SMARCA2: variants seen among roughly 807,000 people sequenced by gnomAD.
SMARCA2 encodes the protein SWI/SNF related BAF chromatin remodeling complex subunit ATPase 2, also known as SWI/SNF-related matrix-associated actin-dependent regulator of chromatin subfamily A member 2.
In SMARCA2, 61 loss-of-function variants were observed where a neutral mutation model predicts 199.8. The ratio of observed to expected loss-of-function variants is 0.31; its 90% CI spans 0.25 to 0.38. The LOEUF (loss-of-function observed/expected upper bound fraction) is 0.38. Among genes scored for constraint, SMARCA2 ranks in the 10% least tolerant of loss-of-function variants. SMARCA2 has a pLI of 1.00. For missense variants in SMARCA2, 1,344 were observed against 2,012.2 expected, an observed-to-expected ratio of 0.67 and a Z score of 6.35; for synonymous variants, 935 against 732.0, an observed-to-expected ratio of 1.28 and a Z score of -4.48.
At chr9:2,054,937 A>C (rs1490994171) in intron 6 of SMARCA2, among the ~76,000 whole-genome samples, 2 of 152,222 alleles carry the variant, frequency 1.3e-5, no homozygotes, top group Non-Finnish European at 2.9e-5. Flanking sequence ...TGTATATGGG[A>C]AAGAGTTTTT....
Position 2,186,201 on chromosome 9 carries a change from G to A in SMARCA2, c.4567G>A (p.Glu1523Lys), listed in dbSNP as rs776786160. The A allele has an allele frequency of 6.2e-7, 1 of 1,614,068 alleles. No homozygotes were observed. Among genetic ancestry groups the A allele is most frequent in the Non-Finnish European group, 8.5e-7 (1 of 1,179,960 alleles). The stretch of plus-strand genomic sequence containing the variant: ...TGAAAGCAATGAAGAGGAGGAAGAG[G>A]AAGATGAAGAAGAGTCAGAGTCCGA... ...EDESNEEEEE[E>K]DEEESESEAK... The change falls in exon 32 of 34, where the codon GAA (glutamate) becomes AAA (lysine). Residue 1523 changes from glutamate to lysine, a missense_variant. This residue lies in a region of SMARCA2 where 155 missense variants were observed against 121.1 expected (regional missense o/e 1.28). Transcript: ENST00000349721.
chr9:2,112,030 ACATAAAAGTGTTT>A (rs1465313637), intron 24 of SMARCA2, among the ~76,000 whole-genome samples: 1 of 152,222 alleles, frequency 6.6e-6, no homozygotes, highest in East Asian at 1.9e-4. Context: ...TTTTATAAAT[ACATAAAAGTGTTT>A]CATTCCAAGG....
rs2130124506 is a variant in SMARCA2 at position 2,019,918 on chromosome 9, A to C, written c.-37+4514A>C. On this transcript the variant is annotated intron_variant, in intron 1 of 33. Coordinates refer to ENST00000349721, the MANE Select transcript of SMARCA2 (RefSeq NM_003070.5). ...TGATACCCCAGAGAAATAATAAATC[A>C]CTATTTATGACATCTTGACATGGTG... Among the ~76,000 whole-genome samples the C allele has an allele frequency of 4.6e-5, 7 of 152,100 alleles. No individual in the cohort carries two copies. The South Asian group carries it at 1.5e-3, about 32-fold the overall frequency.
In SMARCA2 at chr9:2,047,373, C is replaced by T. The variant is rs927367809; in HGVS notation, c.935C>T (p.Pro312Leu). The T allele has an allele frequency of 1.2e-5, 18 of 1,545,008 alleles. 1 individual carries two copies. In the African/African-American group the frequency reaches 1.5e-4, roughly 13 times the overall value. ...VPGPSVPQPA[P>L]GQPSPVLQLQ... ...GGGCCCTCAGTGCCGCAGCCGGCCC[C>T]GGGGCAGCCCTCGCCCGTCCTCCAG... Residue 312 changes from proline to leucine, a missense_variant, in exon 5 of 34, where the codon CCG (proline) becomes CTG (leucine). This residue lies in a region of SMARCA2 where 155 missense variants were observed against 260.0 expected (regional missense o/e 0.60). Coordinates refer to ENST00000349721, the MANE Select transcript of SMARCA2 (RefSeq NM_003070.5).
intron 19 of SMARCA2, 24 bp downstream of exon 19, chr9:2,088,637 T>C: frequency 5.8e-6 from 9 of 1,542,218 alleles, no homozygotes; most frequent in Non-Finnish European, 6.1e-6. Context: ...CCAAAAGTTG[T>C]GGGTTTTTTT....
chr9:2,173,627 G>A (rs1044810579), intron 29 of SMARCA2, among the ~76,000 whole-genome samples: 1 of 152,192 alleles, frequency 6.6e-6, no homozygotes, highest in East Asian at 1.9e-4. Flanking sequence ...TGAGGTCAGC[G>A]CCTCATGCAT....
At chr9:2,171,383 T>G (rs1385912659) in intron 29 of SMARCA2, among the ~76,000 whole-genome samples, 1 of 152,224 alleles carries the variant, frequency 6.6e-6, no homozygotes, top group African/African-American at 2.4e-5. Flanking sequence ...GGATGTATCG[T>G]GTATTTCAGA....
intron 19 of SMARCA2, among the ~76,000 whole-genome samples, chr9:2,090,412 G>T (rs886511611): frequency 4.6e-5 from 7 of 152,120 alleles, no homozygotes; most frequent in African/African-American, 1.7e-4. Flanking sequence ...GGAAATCATG[G>T]GCTCTGCCTG....
At chr9:2,069,442 C>G (rs554516545) in intron 9 of SMARCA2, among the ~76,000 whole-genome samples, 1 of 151,494 alleles carries the variant, frequency 6.6e-6, no homozygotes, top group Non-Finnish European at 1.5e-5. Flanking sequence ...GCCTGTAGTC[C>G]CAGCTACTTG....
intron 29 of SMARCA2, among the ~76,000 whole-genome samples, chr9:2,172,070 G>A (rs183038514): frequency 2.6e-5 from 4 of 152,160 alleles, no homozygotes; most frequent in Non-Finnish European, 5.9e-5. Flanking sequence ...TCTGGAGTCT[G>A]TCTTGTCCCT....
rs113631270 is a variant in SMARCA2, at chr9:2,119,686, T to C, written c.3762+151T>C. The C allele has an allele frequency of 4.0e-5, 24 of 595,176 alleles. No homozygotes were observed. Among genetic ancestry groups the C allele is most frequent in the African/African-American group, 3.2e-4 (17 of 53,452 alleles). The allele number at this position is 595,176 out of a possible 1,614,324, so 36.9% of individuals were successfully genotyped here. ...TTCAGAGGCTGCAAACTGGCTGGAG[T>C]TAGCCTGCAGACATATTTTGTTTGG... On this transcript the variant is annotated intron_variant, in intron 26 of 33. Coordinates refer to ENST00000349721, the MANE Select transcript of SMARCA2 (RefSeq NM_003070.5). The surrounding 1 kb of genome is among the most constrained non-coding windows in gnomAD (Gnocchi z 4.6).
At chr9:2,037,216 CTG>C (rs1205981505) in intron 3 of SMARCA2, among the ~76,000 whole-genome samples, 7 of 152,306 alleles carry the variant, frequency 4.6e-5, no homozygotes, top group African/African-American at 1.7e-4. Flanking sequence ...AGTTAAGTGT[CTG>C]TTATTGATAT....
chr9:2,116,871 A>C (rs1013600071), intron 25 of SMARCA2, among the ~76,000 whole-genome samples: 4 of 152,218 alleles, frequency 2.6e-5, no homozygotes, highest in African/African-American at 4.8e-5. Context: ...CAAATTGAAG[A>C]GTAAGTCTAC....
chr9:2,180,486 C>T (rs1470706137), intron 29 of SMARCA2, among the ~76,000 whole-genome samples: 1 of 152,186 alleles, frequency 6.6e-6, no homozygotes, highest in African/African-American at 2.4e-5. Flanking sequence ...CCACTGCCTT[C>T]TAGTATTCTC....
chr9:2,188,771 A>C (rs1008171394), intron 32 of SMARCA2, among the ~76,000 whole-genome samples: 2 of 152,220 alleles, frequency 1.3e-5, no homozygotes, highest in Non-Finnish European at 2.9e-5. Context: ...AGCAGCCTGC[A>C]TTCCTTTCTG....
rs575734601 is a variant in SMARCA2, at chr9:2,054,985, G to A, written c.1173+262G>A. ...TGGGTTACAAAGTCAGAGTTATGGC[G>A]TTTTGTTACCATGGATGAAAAACCT... On this transcript the variant is annotated intron_variant, in intron 6 of 33. Coordinates refer to ENST00000349721, the MANE Select transcript of SMARCA2 (RefSeq NM_003070.5). 1.4e-4 allele frequency among the ~76,000 whole-genome samples: 21 copies of A among 152,234 alleles called. 1 individual carries two copies. In the South Asian group the frequency reaches 3.3e-3, roughly 24 times the overall value.
chr9:2,047,413 G>C lies in SMARCA2; in HGVS notation c.975G>C (p.Gln325His). Residue 325 changes from glutamine to histidine, a missense_variant, in exon 5 of 34, where the codon CAG becomes CAC. Transcript: ENST00000349721. Reference protein sequence around the residue: ...PSPVLQLQQKQSRISPIQKPQ... With the variant: ...PSPVLQLQQKHSRISPIQKPQ... ...CCGTCCTCCAGCTGCAGCAGAAGCA[G>C]AGCCGCATCAGCCCCATCCAGAAAC... 1 of 1,591,246 alleles carries C rather than the reference G, an allele frequency of 6.3e-7. No homozygotes were observed. Among genetic ancestry groups the C allele is most frequent in the Non-Finnish European group, 8.5e-7 (1 of 1,169,880 alleles).
intron 27 of SMARCA2, chr9:2,159,105 A>C: frequency 8.7e-7 from 1 of 1,149,304 alleles, no homozygotes; most frequent in Non-Finnish European, 1.2e-6. Flanking sequence ...TTCGCTTCTT[A>C]GCTACTCACA....
intron 33 of SMARCA2, chr9:2,192,211 C>G (rs900376139): frequency 1.1e-5 from 2 of 178,702 alleles, no homozygotes; most frequent in African/African-American, 4.8e-5. Flanking sequence ...TCCTGGCACC[C>G]ACATTATTTT....
Sources: gnomAD v4.1 joint callset for allele counts (sites outside exome capture counted in the v4.1 genomes callset) on GRCh38, gnomAD v4.1.1 for gene constraint, gnomAD v4.1.1 regional missense constraint, Gnocchi (gnomAD v3.1) non-coding constraint, MANE v1.5 for transcripts, NCBI Gene and HGNC (gene_info 2026-07-23, HGNC 2026-07-21) for gene names.